The following ANKRD7 variants were observed in gnomAD, a reference collection of about 807,000 sequenced individuals.
ANKRD7 encodes ankyrin repeat domain 7, also known as ankyrin repeat domain-containing protein 7.
ANKRD7 carries 30 observed loss-of-function variants against 30.8 expected under a neutral mutation model. That is an observed-to-expected ratio of 0.97 (90% CI 0.73 to 1.32). ANKRD7 has a LOEUF of 1.32. ANKRD7 is among the 40% of genes most tolerant of loss of function. ANKRD7 has a pLI of 0.00. For missense variants in ANKRD7, 264 were observed against 295.7 expected, an observed-to-expected ratio of 0.89 and a Z score of 0.79; for synonymous variants, 97 against 106.6, an observed-to-expected ratio of 0.91 and a Z score of 0.55.
At chr7:118,233,942 G>C (rs1809682729) in intron 1 of ANKRD7, among the ~76,000 whole-genome samples, 1 of 152,114 alleles carries the variant, frequency 6.6e-6, no homozygotes, top group South Asian at 2.1e-4. Context: ...CTACAACTTA[G>C]AGAGTACTTA....
rs747003976 is a variant in ANKRD7, at chr7:118,236,104, C to T, written c.532C>T (p.Leu178=). 7 of 1,608,218 alleles carry T rather than the reference C, an allele frequency of 4.4e-6. No individual in the cohort carries two copies. In the South Asian group the frequency reaches 5.5e-5, roughly 13 times the overall value. The change falls in exon 4 of 7, where the codon CTG becomes TTG. Residue 178 remains leucine (L), a synonymous_variant. Transcript: ENST00000265224. ...TAATCCAAAAATGGTAAAATTTCTT[C>T]TGGAGAAAGGGGCTGATGTGAATGC... The part of the protein sequence containing the change: ...NNNPKMVKFL[L]EKGADVNASD...
At chr7:118,237,019 A>C (rs146465991) in intron 5 of ANKRD7, 93 bp downstream of exon 5, 2 of 1,325,006 alleles carry the variant, frequency 1.5e-6, no homozygotes, top group African/African-American at 1.5e-5. Flanking sequence ...GAATAGGCTC[A>C]ACAGTAGGGG....
At chr7:118,230,751 G>A (rs1246556853) in intron 1 of ANKRD7, among the ~76,000 whole-genome samples, 1 of 151,836 alleles carries the variant, frequency 6.6e-6, no homozygotes, top group East Asian at 1.9e-4. Flanking sequence ...GTGGGCAGAG[G>A]AAAGTAGATA....
chr7:118,237,444 G>A (rs940742628), intron 5 of ANKRD7, among the ~76,000 whole-genome samples: 2 of 151,994 alleles, frequency 1.3e-5, no homozygotes, highest in South Asian at 4.2e-4. Context: ...AATTAGATAC[G>A]ATGTACAAAA....
At position 118,239,952 on chromosome 7, in the gene ANKRD7, T is replaced by C. The variant is rs749496386; in HGVS notation, c.756T>C (p.His252=). ...QFTASHGKKK[H]AK ...CTGCGAGCCATGGAAAGAAGAAACA[T>C]GCTAAATAGACACCTTATTCTTGGC... Residue 252 remains histidine, a synonymous_variant, in exon 6 of 7, where the codon CAT becomes CAC. Coordinates refer to ENST00000265224, the MANE Select transcript of ANKRD7 (RefSeq NM_019644.4). The C allele has an allele frequency of 3.1e-6, 5 of 1,595,778 alleles. No homozygotes were observed. Among genetic ancestry groups the C allele is most frequent in the Non-Finnish European group, 4.3e-6 (5 of 1,168,740 alleles).
chr7:118,237,738 T>A (rs1270335038), intron 5 of ANKRD7, among the ~76,000 whole-genome samples: 1 of 151,950 alleles, frequency 6.6e-6, no homozygotes, highest in Non-Finnish European at 1.5e-5. Flanking sequence ...TAATTTAACT[T>A]TAGACACAAA....
chr7:118,238,657 A>T (rs1809774466), intron 5 of ANKRD7, among the ~76,000 whole-genome samples: 1 of 152,202 alleles, frequency 6.6e-6, no homozygotes, highest in South Asian at 2.1e-4. Context: ...CAAATGAAGG[A>T]ATTATATTTA....
At chr7:118,241,398 TC>T (rs1460262181) in intron 6 of ANKRD7, among the ~76,000 whole-genome samples, 8 of 151,502 alleles carry the variant, frequency 5.3e-5, no homozygotes, top group African/African-American at 1.4e-4. Context: ...TCATATAAAT[TC>T]TCAACTATTC....
rs182426184 is a variant in ANKRD7 at position 118,238,799 on chromosome 7, T to C, written c.713-1110T>C. Among the ~76,000 whole-genome samples, 23 of 152,348 alleles carry C rather than the reference T, an allele frequency of 1.5e-4. No individual in the cohort carries two copies. The East Asian group carries it at 4.4e-3, about 29-fold the overall frequency. ...CACTGGGTGTGTTTCAGTCCCTGAC[T>C]GAGTTAATTGTCTTCACTTTGTTAA... is the stretch of plus-strand genomic sequence containing the variant. On this transcript the variant is annotated intron_variant, in intron 5 of 6. Transcript: ENST00000265224.
intron 6 of ANKRD7, among the ~76,000 whole-genome samples, chr7:118,241,435 C>A (rs1323592029): frequency 1.3e-5 from 2 of 149,334 alleles, no homozygotes; most frequent in African/African-American, 4.9e-5. Context: ...CCCATCCCCA[C>A]AAATCTATAG....
chr7:118,234,716 A>G lies in ANKRD7; in HGVS notation c.310A>G (p.Asn104Asp). 1 of 1,608,914 alleles carries G rather than the reference A, an allele frequency of 6.2e-7. No individual in the cohort carries two copies. The highest frequency in any genetic ancestry group is 8.5e-7 in the Non-Finnish European group (1 of 1,178,660). ...GCATTAACAGGCAGTACAGTGTCAAAATGAGGATTGTGCTACTATTCTTCT... is the reference window on the plus strand; with the variant it reads ...GCATTAACAGGCAGTACAGTGTCAAGATGAGGATTGTGCTACTATTCTTCT... ...SPLIKAVQCQ[N>D]EDCATILLNF... The change falls in exon 3 of 7, where the codon AAT (asparagine) becomes GAT (aspartate). Residue 104 changes from asparagine (N) to aspartate (D), a missense_variant. Coordinates refer to ENST00000265224, the MANE Select transcript of ANKRD7 (RefSeq NM_019644.4).
In ANKRD7 at chr7:118,235,325, G is replaced by A. The variant is rs371747411; in HGVS notation, c.468+451G>A. Among the ~76,000 whole-genome samples, 22 of 152,224 alleles carry A rather than the reference G, an allele frequency of 1.4e-4. No homozygotes were observed. In the East Asian group the frequency reaches 3.9e-3, roughly 27 times the overall value. On this transcript the variant is annotated intron_variant, in intron 3 of 6. Coordinates refer to ENST00000265224, the MANE Select transcript of ANKRD7 (RefSeq NM_019644.4). ...TAGCCGATGAATTTTTTTAAAAAGT[G>A]TATTGAGCCGGGCATGGTGGCTCAC... is the stretch of plus-strand genomic sequence containing the variant.
At chr7:118,226,519 G>A (rs996440340) in intron 1 of ANKRD7, among the ~76,000 whole-genome samples, 2 of 152,096 alleles carry the variant, frequency 1.3e-5, no homozygotes, top group Non-Finnish European at 2.9e-5. Context: ...TTACAATAAA[G>A]TTAGCAAAAG....
chr7:118,226,927 TA>T (rs1263354910), intron 1 of ANKRD7, among the ~76,000 whole-genome samples: 1 of 152,208 alleles, frequency 6.6e-6, no homozygotes, highest in Non-Finnish European at 1.5e-5. Flanking sequence ...TCTTGTGTTT[TA>T]TCTATTCAGC....
intron 3 of ANKRD7, among the ~76,000 whole-genome samples, chr7:118,235,473 G>A (rs943627441): frequency 2.0e-5 from 3 of 151,914 alleles, no homozygotes; most frequent in African/African-American, 7.3e-5. Flanking sequence ...TTAGCTGGTC[G>A]TCGTGGTAGG....
At chr7:118,232,263 T>C (rs1446164695) in intron 1 of ANKRD7, among the ~76,000 whole-genome samples, 1 of 152,090 alleles carries the variant, frequency 6.6e-6, no homozygotes, top group Non-Finnish European at 1.5e-5. Context: ...AAATTTAAAA[T>C]AAAATGAATG....
chr7:118,227,990 A>T (rs1002528143), intron 1 of ANKRD7: 2 of 1,316,764 alleles, frequency 1.5e-6, no homozygotes, highest in Admixed American at 2.2e-5. Context: ...TGACTTTATA[A>T]GGTAATCGAT....
intron 1 of ANKRD7, among the ~76,000 whole-genome samples, chr7:118,228,434 C>G (rs1809580850): frequency 6.6e-6 from 1 of 151,806 alleles, no homozygotes; most frequent in Admixed American, 6.6e-5. Context: ...AGGGAAAACC[C>G]TGATTCATAC....
At chr7:118,238,740 G>A (rs1039510314) in intron 5 of ANKRD7, among the ~76,000 whole-genome samples, 1 of 152,098 alleles carries the variant, frequency 6.6e-6, no homozygotes, top group African/African-American at 2.4e-5. Flanking sequence ...AAGCCATATG[G>A]CTCTTTTCTG....
Sources: gnomAD v4.1 joint callset for allele counts (sites outside exome capture counted in the v4.1 genomes callset) on GRCh38, gnomAD v4.1.1 for gene constraint, MANE v1.5 for transcripts, NCBI Gene and HGNC (gene_info 2026-07-23, HGNC 2026-07-21) for gene names.